The following BPIFB3 variants were observed in gnomAD, a reference collection of about 807,000 sequenced individuals.
The protein encoded by BPIFB3 is BPI fold-containing family B member 3.
A neutral mutation model predicts 53.1 loss-of-function variants in BPIFB3; 49 were observed. That is an observed-to-expected ratio of 0.92 (90% confidence interval 0.73 to 1.17). BPIFB3 has a LOEUF of 1.17. BPIFB3 is among the 50% of genes most tolerant of loss of function. The pLI is 0.00. For missense variants in BPIFB3, 628 were observed against 592.5 expected (o/e 1.06, Z -0.62); for synonymous variants, 271 against 269.6 (o/e 1.01, Z -0.05).
At chr20:33,055,605 A>G (rs1360399205) in intron 1 of BPIFB3, 58 bp downstream of exon 2, 37 of 1,608,434 alleles carry the variant, frequency 2.3e-5, no homozygotes, top group East Asian at 1.1e-4. Context: ...GACTCAATCT[A>G]TATGCTTAGA....
intron 10 of BPIFB3, 57 bp from the exon 12 acceptor site, chr20:33,069,831 C>A: frequency 6.4e-7 from 1 of 1,565,248 alleles, no homozygotes; most frequent in Non-Finnish European, 8.8e-7. Context: ...GAGGCAGACC[C>A]GTCCTCAAGC....
chr20:33,057,404 G>T (rs569705881), intron 2 of BPIFB3, among the ~76,000 whole-genome samples: 1 of 152,172 alleles, frequency 6.6e-6, no homozygotes, highest in Non-Finnish European at 1.5e-5. Context: ...GGTCAGGGTG[G>T]TCTTGAACTC....
chr20:33,059,602 C>G (rs1349649907), intron 3 of BPIFB3, 120 bp downstream of exon 4: 2 of 780,202 alleles, frequency 2.6e-6, no homozygotes. Context: ...TTCCTTTCAC[C>G]CTATTTCCTC....
intron 11 of BPIFB3, 109 bp downstream of exon 12, chr20:33,070,064 T>C: frequency 7.7e-7 from 1 of 1,301,686 alleles, no homozygotes; most frequent in East Asian, 2.3e-5. Flanking sequence ...ATTCCAGGTG[T>C]TTTTCCAGCA....
intron 4 of BPIFB3, 110 bp downstream of exon 5, chr20:33,060,141 C>T (rs555844871): frequency 2.6e-5 from 36 of 1,402,372 alleles, no homozygotes; most frequent in South Asian, 2.6e-4. Context: ...GGCCTGAACT[C>T]GTCCTACCCC....
intron 12 of BPIFB3, 145 bp from the exon 14 acceptor site, chr20:33,071,959 G>A (rs778751855): frequency 7.9e-5 from 61 of 770,382 alleles, no homozygotes; most frequent in Non-Finnish European, 1.2e-4. Context: ...CAAGTGCCCA[G>A]TGCCTGCCAG....
At chr20:33,054,213 G>T (rs1838039089), upstream of BPIFB3, among the ~76,000 whole-genome samples, 1 of 151,982 alleles carries the variant, frequency 6.6e-6, no homozygotes, top group African/African-American at 2.4e-5. Flanking sequence ...TGATCCTATG[G>T]AGAGAGTTCC....
chr20:33,056,956 C>T (rs528375923), intron 2 of BPIFB3, among the ~76,000 whole-genome samples: 36 of 152,306 alleles, frequency 2.4e-4, no homozygotes, highest in Non-Finnish European at 3.5e-4. Flanking sequence ...CTTAGTCTCT[C>T]TGGGCTAATC....
chr20:33,057,266 G>A (rs542596010), intron 2 of BPIFB3, among the ~76,000 whole-genome samples: 1 of 152,020 alleles, frequency 6.6e-6, no homozygotes, highest in South Asian at 2.1e-4. Flanking sequence ...TCGGCTCACT[G>A]CAACCTCCGC....
chr20:33,059,075 C>T (rs1416709035), intron 2 of BPIFB3, among the ~76,000 whole-genome samples: 1 of 152,132 alleles, frequency 6.6e-6, no homozygotes, highest in Non-Finnish European at 1.5e-5. Context: ...TGAGGAAAAA[C>T]TTTAATTCCT....
chr20:33,072,151 T>C (rs1251104280), exon 13 of BPIFB3: 1 of 1,614,090 alleles, frequency 6.2e-7, no homozygotes, highest in Non-Finnish European at 8.5e-7. Context: ...GGGCAGTGTA[T>C]GCACCAAAGC....
intron 13 of BPIFB3, 77 bp downstream of exon 14, chr20:33,072,244 G>A (rs1980935972): frequency 6.9e-7 from 1 of 1,452,616 alleles, no homozygotes; most frequent in Non-Finnish European, 9.7e-7. Context: ...TCTCTTTATG[G>A]TTCTGATGGG....
At chr20:33,065,811 A>G (rs1324703570) in intron 8 of BPIFB3, among the ~76,000 whole-genome samples, 3 of 152,142 alleles carry the variant, frequency 2.0e-5, no homozygotes, top group African/African-American at 7.2e-5. Context: ...CTCAGGCCCA[A>G]GGAAACAGGG....
chr20:33,057,479 G>C (rs1216748785), intron 2 of BPIFB3, among the ~76,000 whole-genome samples: 1 of 152,264 alleles, frequency 6.6e-6, no homozygotes, highest in Non-Finnish European at 1.5e-5. Context: ...GTGAGCTGGG[G>C]TCTGAATGTT....
intron 5 of BPIFB3, among the ~76,000 whole-genome samples, chr20:33,062,614 A>G (rs1474365757): frequency 6.6e-6 from 1 of 152,326 alleles, no homozygotes; most frequent in South Asian, 2.1e-4. Flanking sequence ...CTCTGGGGCA[A>G]TTGGCCAGCA....
chr20:33,066,332 T>G (rs1413946690), intron 8 of BPIFB3, among the ~76,000 whole-genome samples: 1 of 152,182 alleles, frequency 6.6e-6, no homozygotes, highest in African/African-American at 2.4e-5. Context: ...ACTGAAAAAT[T>G]TACATGTGAC....
At chr20:33,056,381 G>A (rs1980204195) in intron 1 of BPIFB3, among the ~76,000 whole-genome samples, 161 bp from the exon 3 acceptor site, 1 of 152,214 alleles carries the variant, frequency 6.6e-6, no homozygotes. Context: ...GGAGTAAGAG[G>A]CTGTTATGGC....
chr20:33,072,140 G>A lies in BPIFB3; in HGVS notation c.1297G>A (p.Gly433Arg), dbSNP rs760434221. 3.1e-6 allele frequency: 5 copies of A among 1,614,066 alleles called. No individual in the cohort carries two copies. Among genetic ancestry groups the A allele is most frequent in the East Asian group, 4.5e-5 (2 of 44,892 alleles). ...AGAAGAATGGCTCAGCCATGTGGTC[G>A]GGGCAGTGTATGCACCAAAGCTTAA... Residue 433 changes from glycine (G) to arginine (R), a missense_variant, in exon 13 of 15, where the codon GGG becomes AGG. Gly to Arg is a moderately radical substitution (Grantham distance 125). Transcript: ENST00000375494.
At chr20:33,064,292 T>G (rs1980573766) in intron 6 of BPIFB3, among the ~76,000 whole-genome samples, 165 bp from the exon 8 acceptor site, 1 of 152,196 alleles carries the variant, frequency 6.6e-6, no homozygotes, top group African/African-American at 2.4e-5. Flanking sequence ...TTCCCCTGTC[T>G]AAGCCTCAAT....
Sources: allele counts gnomAD v4.1 joint callset (sites outside exome capture counted in the v4.1 genomes callset), GRCh38; gene constraint gnomAD v4.1.1; transcripts MANE v1.5; gene names NCBI Gene and HGNC (gene_info 2026-07-23, HGNC 2026-07-21).